ACTMAP: variants seen among roughly 807,000 people sequenced by gnomAD.
ACTMAP encodes actin maturation protease.
the ACTMAP span, chr19:40,744,501 A>G: frequency 1.9e-6 from 3 of 1,599,494 alleles, no homozygotes; most frequent in Non-Finnish European, 2.6e-6. Context: ...CATCCCACCC[A>G]GCCTCTCTGG....
the ACTMAP span, chr19:40,749,408 C>CCCCCCA: frequency 7.1e-7 from 1 of 1,409,240 alleles, no homozygotes; most frequent in East Asian, 2.5e-5. Flanking sequence ...ACGGGAACCC[C>CCCCCCA]CCCCCCACCC....
chr19:40,745,041 T>A, the ACTMAP span: 1 of 1,441,588 alleles, frequency 6.9e-7, no homozygotes, highest in South Asian at 1.2e-5. Flanking sequence ...GACAATCCAC[T>A]CCTCTTCTCC....
the ACTMAP span, chr19:40,742,516 C>CCCGG: frequency 7.1e-6 from 11 of 1,544,544 alleles, no homozygotes; most frequent in Non-Finnish European, 9.6e-6. Flanking sequence ...ACCACGTACA[C>CCCGG]CCGGCCGTCA....
chr19:40,745,342 A>G, the ACTMAP span: 1 of 760,092 alleles, frequency 1.3e-6, no homozygotes, highest in South Asian at 1.6e-5. Context: ...CTCCTGGTTC[A>G]GTCACTGACT....
chr19:40,749,696 C>T, the ACTMAP span: 1 of 1,529,664 alleles, frequency 6.5e-7, no homozygotes, highest in South Asian at 1.2e-5. Flanking sequence ...CTGAAAAGTC[C>T]AGGGGACTTG....
the ACTMAP span, chr19:40,742,583 G>C: frequency 3.1e-6 from 5 of 1,608,152 alleles, no homozygotes; most frequent in African/African-American, 2.7e-5. Flanking sequence ...GGACCTGGTC[G>C]TAGTCCCACA....
the ACTMAP span, chr19:40,744,968 A>C: frequency 1.1e-6 from 1 of 873,176 alleles, no homozygotes; most frequent in Non-Finnish European, 1.8e-6. Context: ...TATGTTTACT[A>C]TGCAGGCACT....
At chr19:40,744,111 G>A in the ACTMAP span, 7 of 1,613,666 alleles carry the variant, frequency 4.3e-6, no homozygotes, top group Non-Finnish European at 5.9e-6. Context: ...GCAGGACGAG[G>A]TCTCTGTTGG....
chr19:40,745,081 C>T, the ACTMAP span: 1 of 1,544,478 alleles, frequency 6.5e-7, no homozygotes, highest in Non-Finnish European at 8.8e-7. Context: ...CCAGCAAGGG[C>T]AGAGTAAAGG....
the ACTMAP span, chr19:40,742,618 G>C: frequency 1.2e-6 from 2 of 1,612,622 alleles, no homozygotes; most frequent in East Asian, 4.5e-5. Flanking sequence ...CTCTTGCCCT[G>C]CTTGGACAGC....
At chr19:40,741,374 T>C in the ACTMAP span, 1 of 189,600 alleles carries the variant, frequency 5.3e-6, no homozygotes, top group South Asian at 1.3e-4. Flanking sequence ...ACCTGGGAAG[T>C]GGAGGCTGGA....
the ACTMAP span, among the ~76,000 whole-genome samples, chr19:40,746,627 A>G: frequency 1.3e-5 from 2 of 152,134 alleles, no homozygotes; most frequent in Non-Finnish European, 2.9e-5. Flanking sequence ...TGCCCGCCTC[A>G]GCCTACCAAA....
the ACTMAP span, chr19:40,742,737 A>G: frequency 6.2e-7 from 1 of 1,611,302 alleles, no homozygotes; most frequent in African/African-American, 1.3e-5. Flanking sequence ...AGTGTAGCCG[A>G]GACTGGGCAC....
chr19:40,744,121 G>C, the ACTMAP span: 1 of 1,613,176 alleles, frequency 6.2e-7, no homozygotes, highest in South Asian at 1.1e-5. Flanking sequence ...GTCTCTGTTG[G>C]GACCGCCCAG....
the ACTMAP span, chr19:40,749,439 T>C: frequency 7.0e-7 from 1 of 1,435,858 alleles, no homozygotes; most frequent in Non-Finnish European, 9.5e-7. Flanking sequence ...GTGAAGTGTC[T>C]AGGGCAGAGC....
chr19:40,744,955 A>G, the ACTMAP span: 3 of 839,394 alleles, frequency 3.6e-6, no homozygotes, highest in Non-Finnish European at 3.8e-6. Flanking sequence ...CGCATGTCCC[A>G]ACTATGTTTA....
At chr19:40,745,208 A>C in the ACTMAP span, 1 of 1,551,756 alleles carries the variant, frequency 6.4e-7, no homozygotes, top group Non-Finnish European at 8.7e-7. Context: ...CCTGAAGCAG[A>C]GCCGTGCTCA....
chr19:40,747,166 G>T, the ACTMAP span, among the ~76,000 whole-genome samples: 1 of 152,088 alleles, frequency 6.6e-6, no homozygotes, highest in Non-Finnish European at 1.5e-5. Flanking sequence ...TGGGTGTTGG[G>T]GGGGTGCGGA....
chr19:40,742,005 G>A, the ACTMAP span: 1 of 451,496 alleles, frequency 2.2e-6, no homozygotes, highest in South Asian at 1.6e-5. Flanking sequence ...AATGATCCGG[G>A]GATTTGAACA....
Sources: gnomAD v4.1 joint callset for allele counts (sites outside exome capture counted in the v4.1 genomes callset) on GRCh38, gnomAD v4.1.1 for gene constraint, MANE v1.5 for transcripts, NCBI Gene and HGNC (gene_info 2026-07-23, HGNC 2026-07-21) for gene names.